The following PNPT1 variants were observed in gnomAD, a reference collection of about 807,000 sequenced individuals.
PNPT1 encodes polyribonucleotide nucleotidyltransferase 1, also known as polyribonucleotide nucleotidyltransferase 1, mitochondrial.
A neutral mutation model predicts 119.5 loss-of-function variants in PNPT1; 53 were observed. That is an observed-to-expected ratio of 0.44 (90% CI 0.36 to 0.56). The LOEUF is 0.56. Ranked by LOEUF, PNPT1 falls within the 20% of genes least tolerant of loss-of-function variation. PNPT1 has a pLI of 0.00. For missense variants in PNPT1, 948 were observed against 938.5 expected (o/e 1.01, Z -0.13); for synonymous variants, 357 against 322.1 (o/e 1.11, Z -1.16).
intron 8 of PNPT1, 27 bp from the exon 9 acceptor site, chr2:55,673,106 A>T: frequency 6.7e-7 from 1 of 1,496,582 alleles, no homozygotes. Flanking sequence ...GAAAAAAAAA[A>T]TGACTGCCAT....
rs775084978 is a variant in PNPT1, at chr2:55,660,191, C to T, written c.1250G>A (p.Gly417Glu). 1.1e-5 allele frequency: 17 copies of T among 1,587,646 alleles called. No individual in the cohort carries two copies. In the South Asian group the frequency reaches 2.0e-4, roughly 19 times the overall value. The change falls in exon 15 of 28, where the codon GGG (glycine) becomes GAG (glutamate). Residue 417 changes from glycine (G) to glutamate (E), a missense_variant and splice_region_variant. Gly to Glu is a moderately conservative substitution (Grantham distance 98, BLOSUM62 -2). Coordinates refer to ENST00000447944, the MANE Select transcript of PNPT1 (RefSeq NM_033109.5). ...KSDQVITAINGIKDKNFMLHY... is the reference protein window; with the variant it reads ...KSDQVITAINEIKDKNFMLHY... ...CAGCATGAAATTTTTATCTTTTATCCCACTAAAAATAAAAGGCATAATATT... is the reference window on the plus strand; with the variant it reads ...CAGCATGAAATTTTTATCTTTTATCTCACTAAAAATAAAAGGCATAATATT...
intron 25 of PNPT1, among the ~76,000 whole-genome samples, chr2:55,641,873 G>A (rs902868438): frequency 4.1e-5 from 6 of 148,124 alleles, no homozygotes; most frequent in East Asian, 4.0e-4. Context: ...ATGGAGTCTC[G>A]CTCTGTCGCC....
At chr2:55,683,612 C>CAAAAAAA in intron 5 of PNPT1, among the ~76,000 whole-genome samples, 173 bp downstream of exon 5, 1 of 74,170 alleles carries the variant, frequency 1.3e-5, no homozygotes, top group Non-Finnish European at 2.6e-5. Context: ...GACTCTGTCT[C>CAAAAAAA]AAAAAAAAAA....
chr2:55,645,733 T>A (rs558176600), intron 21 of PNPT1, among the ~76,000 whole-genome samples: 1 of 152,202 alleles, frequency 6.6e-6, no homozygotes, highest in East Asian at 1.9e-4. Flanking sequence ...TCTCACTACG[T>A]TGCCCAGGCT....
At chr2:55,638,865 C>A (rs1695756359) in intron 26 of PNPT1, among the ~76,000 whole-genome samples, 1 of 151,844 alleles carries the variant, frequency 6.6e-6, no homozygotes, top group African/African-American at 2.4e-5. Context: ...ACCTCTTCCT[C>A]CCAGGTTCAA....
intron 8 of PNPT1, among the ~76,000 whole-genome samples, chr2:55,675,329 T>C (rs1697031083): frequency 6.6e-6 from 1 of 151,110 alleles, no homozygotes; most frequent in African/African-American, 2.4e-5. Flanking sequence ...GGCTCATGCT[T>C]GTAATTCCAG....
At chr2:55,655,015 C>T in intron 17 of PNPT1, 62 bp from the exon 18 acceptor site, 1 of 1,399,660 alleles carries the variant, frequency 7.1e-7, no homozygotes, top group Non-Finnish European at 1.0e-6. Flanking sequence ...AAAAGTGTTA[C>T]TATTGGTTAT....
At position 55,635,063 on chromosome 2, in the gene PNPT1, T is replaced by C. The variant is rs527935008; in HGVS notation, c.*1174A>G. On this transcript the variant is annotated 3_prime_UTR_variant, in exon 28 of 28. Transcript: ENST00000447944. Reference sequence around the variant, plus strand: ...TACCACTGAGTCCAGTGTATTTTTATAAGATTTTAAAAAAGATTACACATT... The same window carrying C: ...TACCACTGAGTCCAGTGTATTTTTACAAGATTTTAAAAAAGATTACACATT... 3 of 152,114 alleles carry C rather than the reference T, an allele frequency of 2.0e-5. No homozygotes were observed. The highest frequency in any genetic ancestry group is 4.4e-5 in the Non-Finnish European group (3 of 68,028). The allele number at this position is 152,114 out of a possible 1,614,324, so 9.4% of individuals were successfully genotyped here.
At chr2:55,667,765 TG>T (rs1696781745) in intron 12 of PNPT1, 96 bp downstream of exon 12, 89 of 1,468,576 alleles carry the variant, frequency 6.1e-5, no homozygotes, top group Non-Finnish European at 7.9e-5. Context: ...ACTGTTCACT[TG>T]AAAAAAAACA....
At chr2:55,677,149 G>C (rs1697097873) in intron 8 of PNPT1, among the ~76,000 whole-genome samples, 1 of 152,158 alleles carries the variant, frequency 6.6e-6, no homozygotes, top group South Asian at 2.1e-4. Flanking sequence ...GGTTGGTTCT[G>C]AATCACTCTC....
At chr2:55,660,260 T>C (rs1376439975) in intron 14 of PNPT1, 67 bp from the exon 15 acceptor site, 2 of 1,466,200 alleles carry the variant, frequency 1.4e-6, no homozygotes, top group Non-Finnish European at 1.8e-6. Flanking sequence ...AAAACACAAC[T>C]AAAACAGATT....
chr2:55,636,502 T>G (rs950624853), intron 27 of PNPT1, 110 bp from the exon 28 acceptor site: 4 of 1,165,798 alleles, frequency 3.4e-6, no homozygotes, highest in Non-Finnish European at 4.8e-6. Flanking sequence ...TTGTTTTTAC[T>G]TGTTCACTGA....
chr2:55,641,875 T>C (rs558853861), intron 25 of PNPT1, among the ~76,000 whole-genome samples: 1 of 151,252 alleles, frequency 6.6e-6, no homozygotes, highest in East Asian at 2.0e-4. Flanking sequence ...GGAGTCTCGC[T>C]CTGTCGCCCA....
At chr2:55,685,952 CT>C (rs1697393647) in intron 3 of PNPT1, among the ~76,000 whole-genome samples, 1 of 152,118 alleles carries the variant, frequency 6.6e-6, no homozygotes, top group Admixed American at 6.5e-5. Flanking sequence ...GAAAAAAAGT[CT>C]GTACATATTC....
At chr2:55,643,263 A>G (rs750573815) in intron 24 of PNPT1, 50 bp from the exon 25 acceptor site, 1 of 1,613,450 alleles carries the variant, frequency 6.2e-7, no homozygotes, top group South Asian at 1.1e-5. Flanking sequence ...CATCAACAAA[A>G]AGTAGAAAAA....
chr2:55,664,889 C>G (rs1696687747), intron 13 of PNPT1, among the ~76,000 whole-genome samples: 1 of 151,954 alleles, frequency 6.6e-6, no homozygotes, highest in East Asian at 1.9e-4. Flanking sequence ...TGATTCTTCT[C>G]TCAGATTAAT....
intron 8 of PNPT1, among the ~76,000 whole-genome samples, chr2:55,679,142 T>C (rs2104151133): frequency 6.6e-6 from 1 of 152,322 alleles, no homozygotes; most frequent in South Asian, 2.1e-4. Context: ...CATGCAAGTA[T>C]GACATTTCTG....
chr2:55,673,124 C>T, intron 8 of PNPT1, 45 bp from the exon 9 acceptor site: 1 of 1,417,806 alleles, frequency 7.1e-7, no homozygotes, highest in Non-Finnish European at 9.5e-7. Context: ...CATCGAAGCT[C>T]TTAGTAATAT....
At chr2:55,691,578 G>C (rs1268147899) in intron 1 of PNPT1, among the ~76,000 whole-genome samples, 1 of 152,106 alleles carries the variant, frequency 6.6e-6, no homozygotes, top group Non-Finnish European at 1.5e-5. Context: ...AGTCAAAGTA[G>C]ATTATTTATG....
Sources: gnomAD v4.1 joint callset for allele counts (sites outside exome capture counted in the v4.1 genomes callset) on GRCh38, gnomAD v4.1.1 for gene constraint, MANE v1.5 for transcripts, NCBI Gene and HGNC (gene_info 2026-07-23, HGNC 2026-07-21) for gene names.